ZCCHC7: variants seen among roughly 807,000 people sequenced by gnomAD.
ZCCHC7 encodes zinc finger CCHC domain-containing protein 7.
Under a neutral mutation model 52.0 loss-of-function variants are expected in ZCCHC7, and 35 were observed. The ratio of observed to expected loss-of-function variants is 0.67; its 90% confidence interval spans 0.51 to 0.89. ZCCHC7 has a LOEUF of 0.89. ZCCHC7 is among the 40% of genes least tolerant of loss of function. The probability of loss-of-function intolerance (pLI) is 0.00; values close to 1 mark genes in which losing one functional copy is unlikely to be tolerated. For missense variants in ZCCHC7, 574 were observed against 649.1 expected, an observed-to-expected ratio of 0.88 and a Z score of 1.26; for synonymous variants, 217 against 221.5, an observed-to-expected ratio of 0.98 and a Z score of 0.18.
chr9:37,352,248 C>T lies in ZCCHC7; in HGVS notation c.1084-2462C>T, dbSNP rs545471634. Among the ~76,000 whole-genome samples the T allele has an allele frequency of 1.4e-4, 22 of 152,244 alleles. No homozygotes were observed. The South Asian group carries it at 4.6e-3, about 32-fold the overall frequency. On this transcript the variant is annotated intron_variant, in intron 7 of 8. Coordinates refer to ENST00000336755, the MANE Select transcript of ZCCHC7 (RefSeq NM_032226.3). ...CTGTGGACCCCTTCCCTTTCAATGTCAGAAATCCAGCCTTACAGATACTAT... is the reference window on the plus strand; with the variant it reads ...CTGTGGACCCCTTCCCTTTCAATGTTAGAAATCCAGCCTTACAGATACTAT...
At chr9:37,168,655 T>G (rs1821559504) in intron 2 of ZCCHC7, among the ~76,000 whole-genome samples, 1 of 152,164 alleles carries the variant, frequency 6.6e-6, no homozygotes, top group African/African-American at 2.4e-5. Context: ...CCCAGTGCTT[T>G]TGAGAGCCGA....
At chr9:37,316,031 G>C (rs1296598726) in intron 5 of ZCCHC7, among the ~76,000 whole-genome samples, 2 of 149,562 alleles carry the variant, frequency 1.3e-5, no homozygotes, top group East Asian at 3.9e-4. Flanking sequence ...AAAAAAAAAG[G>C]GTTCCTTTTT....
chr9:37,325,818 C>T (rs950847766), intron 5 of ZCCHC7, among the ~76,000 whole-genome samples: 1 of 152,140 alleles, frequency 6.6e-6, no homozygotes, highest in African/African-American at 2.4e-5. Context: ...TTAAAAATTA[C>T]AATACTATTG....
At chr9:37,302,054 G>GA in intron 2 of ZCCHC7, 134 bp from the exon 3 acceptor site, 1 of 704,698 alleles carries the variant, frequency 1.4e-6, no homozygotes, top group South Asian at 1.8e-5. Context: ...GCCAAAATAG[G>GA]AATTTCAGGT....
intron 5 of ZCCHC7, among the ~76,000 whole-genome samples, chr9:37,325,042 G>C (rs1412912975): frequency 6.6e-6 from 1 of 152,298 alleles, no homozygotes; most frequent in East Asian, 1.9e-4. Flanking sequence ...AATTCAATAT[G>C]GGTCAAAATG....
At position 37,160,104 on chromosome 9, in the gene ZCCHC7, G is replaced by A. The variant is rs377728885; in HGVS notation, c.610+33162G>A. The A allele has an allele frequency of 2.6e-4, 39 of 152,346 alleles. 1 individual carries two copies. The East Asian group carries it at 5.0e-3, about 20-fold the overall frequency. 9.4% of individuals were successfully genotyped at this position (152,346 alleles called of 1,614,324 possible). A position where few individuals can be genotyped will look rare whatever the true frequency, so the allele number is the denominator to read the frequency against. ...TACTTGAAGGATCCTGTTGGAACCT[G>A]TGGAAATAATACTTACAAGAACGTT... On this transcript the variant is annotated intron_variant, in intron 2 of 8. Transcript: ENST00000336755.
At chr9:37,198,682 T>C (rs373406666) in intron 2 of ZCCHC7, among the ~76,000 whole-genome samples, 1 of 152,234 alleles carries the variant, frequency 6.6e-6, no homozygotes, top group African/African-American at 2.4e-5. Context: ...AAGTGGGAGG[T>C]CCTAATGATA....
chr9:37,129,006 C>A (rs1299364911), intron 2 of ZCCHC7, among the ~76,000 whole-genome samples: 2 of 152,124 alleles, frequency 1.3e-5, no homozygotes, highest in Admixed American at 6.5e-5. Context: ...TCTCCTTAAC[C>A]ATTTTGTTGA....
At chr9:37,132,337 CTCTT>C (rs1373610954) in intron 2 of ZCCHC7, among the ~76,000 whole-genome samples, 1 of 152,162 alleles carries the variant, frequency 6.6e-6, no homozygotes, top group Non-Finnish European at 1.5e-5. Flanking sequence ...TAACTGCTAG[CTCTT>C]TCTTGTACTT....
intron 2 of ZCCHC7, among the ~76,000 whole-genome samples, chr9:37,133,316 A>G (rs1307302014): frequency 6.6e-6 from 1 of 152,028 alleles, no homozygotes; most frequent in Non-Finnish European, 1.5e-5. Flanking sequence ...AGGAGTCATA[A>G]TGAGAAGAAA....
chr9:37,338,430 A>G (rs1337687372), intron 6 of ZCCHC7, among the ~76,000 whole-genome samples: 1 of 152,178 alleles, frequency 6.6e-6, no homozygotes, highest in Non-Finnish European at 1.5e-5. Context: ...ACTCTTGACT[A>G]CATAAAATGA....
intron 2 of ZCCHC7, among the ~76,000 whole-genome samples, chr9:37,281,676 C>T (rs1173027608): frequency 6.6e-6 from 1 of 152,174 alleles, no homozygotes; most frequent in Non-Finnish European, 1.5e-5. Flanking sequence ...TTTTGTATTA[C>T]AGGAATGCTT....
Position 37,356,837 on chromosome 9 carries a change from C to T in ZCCHC7, c.1201C>T (p.Leu401Phe). Reference protein sequence around the residue: ...EKRLKQKIKVLKKNGVIPEPS... With the variant: ...EKRLKQKIKVFKKNGVIPEPS... ...AAAAATACTTTTATATTTTTCAGTA[C>T]TCAAGAAAAATGGGGTTATCCCAGA... The change falls in exon 9 of 9, where the codon CTC (leucine) becomes TTC (phenylalanine). Residue 401 changes from leucine to phenylalanine, a missense_variant and splice_region_variant. Leu to Phe is a conservative substitution (Grantham distance 22, BLOSUM62 0). This residue lies in a region of ZCCHC7 where 168 missense variants were observed against 171.6 expected (regional missense o/e 0.98). Coordinates refer to ENST00000336755, the MANE Select transcript of ZCCHC7 (RefSeq NM_032226.3). 2 of 1,578,284 alleles carry T rather than the reference C, an allele frequency of 1.3e-6. No individual in the cohort carries two copies. The highest frequency in any genetic ancestry group is 2.2e-5 in the East Asian group (1 of 44,650).
chr9:37,294,682 T>C (rs1828700905), intron 2 of ZCCHC7, among the ~76,000 whole-genome samples: 1 of 152,218 alleles, frequency 6.6e-6, no homozygotes, highest in African/African-American at 2.4e-5. Flanking sequence ...ACAGTACTTA[T>C]TCATACAGTT....
intron 2 of ZCCHC7, among the ~76,000 whole-genome samples, chr9:37,258,325 A>T (rs946438612): frequency 6.6e-6 from 1 of 152,206 alleles, no homozygotes; most frequent in African/African-American, 2.4e-5. Flanking sequence ...ATCTCCTCAC[A>T]GTAGGTTTCC....
intron 5 of ZCCHC7, chr9:37,327,188 C>T (rs770248643): frequency 3.9e-5 from 6 of 151,998 alleles, no homozygotes; most frequent in Non-Finnish European, 5.9e-5. Context: ...AGATTATCGA[C>T]GTTTTGGGGA....
At chr9:37,244,472 C>G (rs1397730701) in intron 2 of ZCCHC7, among the ~76,000 whole-genome samples, 1 of 151,644 alleles carries the variant, frequency 6.6e-6, no homozygotes, top group Non-Finnish European at 1.5e-5. Flanking sequence ...AATAGCTTAT[C>G]CATATGAGTT....
chr9:37,244,349 T>TATA (rs1458940414), intron 2 of ZCCHC7, among the ~76,000 whole-genome samples: 2 of 151,886 alleles, frequency 1.3e-5, no homozygotes, highest in African/African-American at 4.8e-5. Context: ...TCCTACTGAA[T>TATA]ATACCATAGT....
chr9:37,220,999 T>C (rs895775891), intron 2 of ZCCHC7, among the ~76,000 whole-genome samples: 2 of 152,222 alleles, frequency 1.3e-5, no homozygotes, highest in Non-Finnish European at 2.9e-5. Flanking sequence ...TCAAGCAGAA[T>C]GTTGCTAAAT....
Sources: gnomAD v4.1 joint callset for allele counts (sites outside exome capture counted in the v4.1 genomes callset) on GRCh38, gnomAD v4.1.1 for gene constraint, gnomAD v4.1.1 regional missense constraint, MANE v1.5 for transcripts, NCBI Gene and HGNC (gene_info 2026-07-23, HGNC 2026-07-21) for gene names.